Variants in EIPR1 observed in about 807,000 individuals in gnomAD.
The protein encoded by EIPR1 is EARP complex and GARP complex interacting protein 1, also known as EARP and GARP complex-interacting protein 1.
In EIPR1, 25 loss-of-function variants were observed where a neutral mutation model predicts 48.1. The ratio of observed to expected loss-of-function variants is 0.52; its 90% CI spans 0.38 to 0.73. The LOEUF is 0.73. Among genes scored for constraint, EIPR1 ranks in the 30% least tolerant of loss-of-function variants. The pLI, the probability that EIPR1 is intolerant of heterozygous loss-of-function variation, is 0.00. For synonymous variants in EIPR1, 204 were observed against 201.9 expected (o/e 1.01, Z -0.09); for missense variants, 415 against 506.2 (o/e 0.82, Z 1.73).
intron 5 of EIPR1, among the ~76,000 whole-genome samples, chr2:3,212,210 A>T (rs527384052): frequency 6.6e-6 from 1 of 152,338 alleles, no homozygotes; most frequent in East Asian, 1.9e-4. Context: ...CTCTGCAGAA[A>T]ATAAGTTACA....
intron 1 of EIPR1, among the ~76,000 whole-genome samples, chr2:3,372,716 T>G (rs1226981674): frequency 4.6e-5 from 7 of 152,104 alleles, no homozygotes; most frequent in Non-Finnish European, 8.8e-5. Context: ...AATAATAGGA[T>G]CTGAAATTGT....
chr2:3,192,372 G>C, intron 8 of EIPR1, 42 bp downstream of exon 8: 1 of 1,527,280 alleles, frequency 6.5e-7, no homozygotes, highest in Non-Finnish European at 8.8e-7. Flanking sequence ...CAGACAGGAG[G>C]CTCTGGTACA....
At chr2:3,251,840 A>G (rs1218130395) in intron 4 of EIPR1, among the ~76,000 whole-genome samples, 1 of 152,212 alleles carries the variant, frequency 6.6e-6, no homozygotes, top group Admixed American at 6.5e-5. Context: ...TTTCATAATC[A>G]CACTGTGAGG....
Position 3,193,333 on chromosome 2 carries a change from C to T in EIPR1, c.821+666G>A, listed in dbSNP as rs577125199. Among the ~76,000 whole-genome samples the T allele has an allele frequency of 2.6e-5, 4 of 152,320 alleles. No individual in the cohort carries two copies. In the East Asian group the frequency reaches 7.7e-4, roughly 29 times the overall value. On this transcript the variant is annotated intron_variant, in intron 7 of 8. Transcript: ENST00000382125. ...TGCAGGCCATAGGGAGTGAATGCCC[C>T]TCTTTGACTTGGGGAGGATTCCTGA... is the stretch of plus-strand genomic sequence containing the variant.
chr2:3,292,222 G>T (rs916769155), intron 3 of EIPR1, among the ~76,000 whole-genome samples: 8 of 152,248 alleles, frequency 5.3e-5, no homozygotes, highest in Non-Finnish European at 1.2e-4. Flanking sequence ...TGCGCGGCCA[G>T]ACTGGGACCC....
At chr2:3,269,513 T>G (rs1235769659) in intron 3 of EIPR1, among the ~76,000 whole-genome samples, 10 of 27,566 alleles carry the variant, frequency 3.6e-4, no homozygotes, top group Non-Finnish European at 6.2e-4. Context: ...TCAATCATCA[T>G]CACACTCAAT....
intron 5 of EIPR1, among the ~76,000 whole-genome samples, chr2:3,206,510 C>T (rs1164702458): frequency 6.6e-6 from 1 of 152,218 alleles, no homozygotes; most frequent in African/African-American, 2.4e-5. Flanking sequence ...GTACACAGGG[C>T]ATCAGCTGTC....
intron 3 of EIPR1, among the ~76,000 whole-genome samples, chr2:3,285,339 A>ACCCCCC (rs1164717067): frequency 2.8e-5 from 1 of 36,122 alleles, no homozygotes; most frequent in Non-Finnish European, 6.0e-5. Flanking sequence ...CCCCACCCCC[A>ACCCCCC]CCCCCCAGGT....
intron 5 of EIPR1, among the ~76,000 whole-genome samples, chr2:3,211,927 C>T (rs754358771): frequency 7.9e-4 from 121 of 152,250 alleles, no homozygotes; most frequent in Non-Finnish European, 1.3e-3. Context: ...CGGAACCTTC[C>T]ACTCCAGGCC....
chr2:3,288,434 C>G (rs1388742072), intron 3 of EIPR1, among the ~76,000 whole-genome samples: 1 of 152,170 alleles, frequency 6.6e-6, no homozygotes, highest in Non-Finnish European at 1.5e-5. Flanking sequence ...ATGAGTCTCA[C>G]GTGGCTGGGG....
At chr2:3,248,305 G>A (rs535993285) in intron 4 of EIPR1, among the ~76,000 whole-genome samples, 11 of 152,212 alleles carry the variant, frequency 7.2e-5, no homozygotes, top group South Asian at 4.2e-4. Flanking sequence ...AAAACTAGCC[G>A]GGCATGAGCT....
intron 4 of EIPR1, among the ~76,000 whole-genome samples, chr2:3,249,398 T>C (rs548631426): frequency 1.3e-5 from 2 of 152,114 alleles, no homozygotes; most frequent in African/African-American, 2.4e-5. Context: ...GCAGAAGACA[T>C]TTCTCAGAAG....
chr2:3,263,081 A>G (rs1318840178), intron 3 of EIPR1, among the ~76,000 whole-genome samples: 1 of 152,218 alleles, frequency 6.6e-6, no homozygotes, highest in Non-Finnish European at 1.5e-5. Context: ...TGCTTTACAG[A>G]TCAATGAGTT....
rs1664513690 is a variant in EIPR1, at chr2:3,189,251, T to C, written c.*83A>G. 1 of 1,351,264 alleles carries C rather than the reference T, an allele frequency of 7.4e-7. No individual in the cohort carries two copies. Among genetic ancestry groups the C allele is most frequent in the Admixed American group, 2.8e-5 (1 of 35,852 alleles). 83.7% of individuals were successfully genotyped at this position (1,351,264 alleles called of 1,614,324 possible). A position where few individuals can be genotyped will look rare whatever the true frequency, so the allele number is the denominator to read the frequency against. On this transcript the variant is annotated 3_prime_UTR_variant, in exon 9 of 9. Coordinates refer to ENST00000382125, the MANE Select transcript of EIPR1 (RefSeq NM_003310.5). This position sits in a 1 kb window ranked among gnomAD's most constrained non-coding sequence, Gnocchi z 4.6. ...GAGAGGGATCCACCTGGAACACGAG[T>C]CACCTCCAAAGAGCTGCGACTGTTT...
chr2:3,194,095 T>C lies in EIPR1; in HGVS notation c.725A>G (p.Tyr242Cys). 1 of 1,613,998 alleles carries C rather than the reference T, an allele frequency of 6.2e-7. No homozygotes were observed. The highest frequency in any genetic ancestry group is 8.5e-7 in the Non-Finnish European group (1 of 1,180,024). ...GTCGTCTCCGCAGCTGGCCAAGTAG[T>C]ACTGCTTATTGGGATTAAAGTCAAG... ...RDLDFNPNKQ[Y>C]YLASCGDDCK... The change falls in exon 7 of 9, where the codon TAC becomes TGC. Residue 242 changes from tyrosine to cysteine, a missense_variant. By Grantham distance (194) the Tyr-to-Cys change is radical. Coordinates refer to ENST00000382125, the MANE Select transcript of EIPR1 (RefSeq NM_003310.5).
At chr2:3,269,189 CCACACTCAATCAT>C (rs766458607) in intron 3 of EIPR1, among the ~76,000 whole-genome samples, 161 of 152,228 alleles carry the variant, frequency 1.1e-3, no homozygotes, top group African/African-American at 3.5e-3. Context: ...GAAGCAGCAG[CCACACTCAATCAT>C]CACACTCAAT....
intron 4 of EIPR1, among the ~76,000 whole-genome samples, chr2:3,235,875 T>C (rs1335497456): frequency 1.3e-5 from 2 of 152,214 alleles, no homozygotes; most frequent in African/African-American, 4.8e-5. Context: ...ACCCATCACC[T>C]GACCATTGCA....
At chr2:3,242,285 CCCCT>C (rs1253059596) in intron 4 of EIPR1, among the ~76,000 whole-genome samples, 13 of 15,218 alleles carry the variant, frequency 8.5e-4, no homozygotes, top group Non-Finnish European at 3.0e-3. Flanking sequence ...AGATTTCAGG[CCCCT>C]AACTCCACAC....
In EIPR1 at chr2:3,269,375, C is replaced by T. The variant is rs1388729497; in HGVS notation, c.260-11920G>A. 6.0e-4 allele frequency among the ~76,000 whole-genome samples: 81 copies of T among 136,064 alleles called. 3 individuals are homozygous for T. Among genetic ancestry groups the T allele is most frequent in the African/African-American group, 2.2e-3 (77 of 34,828 alleles). The allele number at this position is 136,064 out of a possible 152,430, so 89.3% of individuals were successfully genotyped here. A position where few individuals can be genotyped will look rare whatever the true frequency, so the allele number is the denominator to read the frequency against. Reference sequence around the variant, plus strand: ...GCACTCAGTCATCGCACTCAATCATCGCACTCAGTCATCGCACTCAGTCAT... The same window carrying T: ...GCACTCAGTCATCGCACTCAATCATTGCACTCAGTCATCGCACTCAGTCAT... On this transcript the variant is annotated intron_variant, in intron 3 of 8. Coordinates refer to ENST00000382125, the MANE Select transcript of EIPR1 (RefSeq NM_003310.5).
Sources: allele counts gnomAD v4.1 joint callset (sites outside exome capture counted in the v4.1 genomes callset), GRCh38; gene constraint gnomAD v4.1.1; non-coding constraint Gnocchi (gnomAD v3.1); transcripts MANE v1.5; gene names NCBI Gene and HGNC (gene_info 2026-07-23, HGNC 2026-07-21).